The following SGTB variants were observed in gnomAD, a reference collection of about 807,000 sequenced individuals.
SGTB encodes small glutamine-rich tetratricopeptide repeat-containing protein beta.
In SGTB, 19 loss-of-function variants were observed where a neutral mutation model predicts 43.9. The observed-to-expected ratio is 0.43, with a 90% CI of 0.30 to 0.63. SGTB has a LOEUF of 0.63. Among genes scored for constraint, SGTB ranks in the 30% least tolerant of loss-of-function variants. The probability of loss-of-function intolerance (pLI) is 0.12; values close to 1 mark genes in which losing one functional copy is unlikely to be tolerated. For synonymous variants in SGTB, 116 were observed against 117.3 expected, an observed-to-expected ratio of 0.99 and a Z score of 0.07; for missense variants, 304 against 358.9, an observed-to-expected ratio of 0.85 and a Z score of 1.24.
At chr5:65,707,472 G>A (rs1423963158) in intron 4 of SGTB, among the ~76,000 whole-genome samples, 1 of 139,224 alleles carries the variant, frequency 7.2e-6, no homozygotes. Context: ...GTCTCCCTCT[G>A]TTGCCAGGTT....
At chr5:65,707,033 G>C (rs1354360023) in intron 4 of SGTB, among the ~76,000 whole-genome samples, 1 of 151,842 alleles carries the variant, frequency 6.6e-6, no homozygotes, top group Non-Finnish European at 1.5e-5. Context: ...AGCTGAGGTG[G>C]GCGGATCACA....
In SGTB at chr5:65,669,688, G is replaced by A. The variant is rs981029840; in HGVS notation, c.*558C>T. ...TAAGATTCTCTGTTCACCAGAACAAGCAACATTAAAGATAACATTGGTTCC... is the reference window on the plus strand; with the variant it reads ...TAAGATTCTCTGTTCACCAGAACAAACAACATTAAAGATAACATTGGTTCC... On this transcript the variant is annotated 3_prime_UTR_variant, in exon 11 of 11. Coordinates refer to ENST00000381007, the MANE Select transcript of SGTB (RefSeq NM_019072.3). 1.3e-5 allele frequency: 2 copies of A among 152,722 alleles called. No homozygotes were observed. The highest frequency in any genetic ancestry group is 4.8e-5 in the African/African-American group (2 of 41,560). The allele number at this position is 152,722 out of a possible 1,614,324, so 9.5% of individuals were successfully genotyped here. A position where few individuals can be genotyped will look rare whatever the true frequency, so the allele number is the denominator to read the frequency against.
At chr5:65,712,501 A>G (rs1174797334) in intron 3 of SGTB, among the ~76,000 whole-genome samples, 4 of 152,216 alleles carry the variant, frequency 2.6e-5, no homozygotes, top group Non-Finnish European at 4.4e-5. Flanking sequence ...AGCCCCATCA[A>G]TGGGCAAATT....
chr5:65,719,804 C>A (rs1325753323), intron 2 of SGTB, among the ~76,000 whole-genome samples: 1 of 152,094 alleles, frequency 6.6e-6, no homozygotes, highest in Non-Finnish European at 1.5e-5. Flanking sequence ...TTACCGAATC[C>A]AATATTAAAG....
intron 5 of SGTB, among the ~76,000 whole-genome samples, chr5:65,685,771 A>T (rs1038765578): frequency 3.9e-5 from 6 of 152,354 alleles, no homozygotes; most frequent in African/African-American, 1.4e-4. Flanking sequence ...GTCCAAACAG[A>T]AAAGTGAAAA....
Position 65,713,127 on chromosome 5 carries a change from T to C in SGTB, c.101-63A>G, listed in dbSNP as rs1437738908. 2.4e-6 allele frequency: 3 copies of C among 1,273,372 alleles called. No homozygotes were observed. The African/African-American group carries it at 4.5e-5, about 19-fold the overall frequency. The allele number at this position is 1,273,372 out of a possible 1,614,324, so 78.9% of individuals were successfully genotyped here. ...TTTTAAAAAAGAAACAAGTTTTTTT[T>C]TTCTGATAGAACTGCAATGTATGGA... is the stretch of plus-strand genomic sequence containing the variant. On this transcript the variant is annotated intron_variant, in intron 2 of 10. Transcript: ENST00000381007.
At chr5:65,684,015 G>A (rs969575440) in intron 6 of SGTB, among the ~76,000 whole-genome samples, 20 of 152,016 alleles carry the variant, frequency 1.3e-4, no homozygotes, top group African/African-American at 4.8e-4. Context: ...CAGGGGCAGA[G>A]AACGAGGAAC....
chr5:65,720,527 TAAAAC>T (rs922830891), intron 2 of SGTB, among the ~76,000 whole-genome samples, 176 bp downstream of exon 2: 3 of 152,198 alleles, frequency 2.0e-5, no homozygotes, highest in Non-Finnish European at 2.9e-5. Flanking sequence ...AATTTGTTGT[TAAAAC>T]AAACAAAACA....
At chr5:65,704,232 T>G (rs760816275) in intron 5 of SGTB, 47 bp downstream of exon 5, 6 of 1,358,574 alleles carry the variant, frequency 4.4e-6, no homozygotes, top group Non-Finnish European at 6.1e-6. Flanking sequence ...GAGCTATTAA[T>G]CTAAATGTTT....
chr5:65,710,290 G>A (rs2150721865), intron 3 of SGTB, among the ~76,000 whole-genome samples: 1 of 152,244 alleles, frequency 6.6e-6, no homozygotes, highest in African/African-American at 2.4e-5. Context: ...GGGAAAAAGT[G>A]ATTTGGGGGT....
chr5:65,692,794 T>C (rs954821782), intron 5 of SGTB, among the ~76,000 whole-genome samples: 8 of 152,220 alleles, frequency 5.3e-5, no homozygotes, highest in Non-Finnish European at 1.5e-5. Context: ...ATGATAGTTA[T>C]ATGAAACATA....
chr5:65,702,256 C>A (rs1423490188), intron 5 of SGTB, among the ~76,000 whole-genome samples: 1 of 151,960 alleles, frequency 6.6e-6, no homozygotes, highest in Non-Finnish European at 1.5e-5. Context: ...TACCGAAGGT[C>A]CCCTGGCAAA....
At position 65,667,369 on chromosome 5, in the gene SGTB, C is replaced by G. The variant is rs1246351981; in HGVS notation, c.*2877G>C. ...GCACTCAAGATAGTTATGCTAGAAA[C>G]TTTAACTTCTTATTCAACACTGAAT... On this transcript the variant is annotated 3_prime_UTR_variant, in exon 11 of 11. Coordinates refer to ENST00000381007, the MANE Select transcript of SGTB (RefSeq NM_019072.3). The G allele has an allele frequency of 6.6e-6, 1 of 152,166 alleles. No homozygotes were observed. The highest frequency in any genetic ancestry group is 2.4e-5 in the African/African-American group (1 of 41,448). 9.4% of individuals were successfully genotyped at this position (152,166 alleles called of 1,614,324 possible). A position where few individuals can be genotyped will look rare whatever the true frequency, so the allele number is the denominator to read the frequency against.
At chr5:65,705,523 A>G (rs1347960504) in intron 4 of SGTB, among the ~76,000 whole-genome samples, 1 of 152,194 alleles carries the variant, frequency 6.6e-6, no homozygotes, top group African/African-American at 2.4e-5. Flanking sequence ...TACATCTCAA[A>G]GGTATCTGTG....
intron 4 of SGTB, among the ~76,000 whole-genome samples, chr5:65,707,435 C>CAT (rs1222821554): frequency 3.5e-5 from 5 of 141,098 alleles, no homozygotes; most frequent in Admixed American, 2.8e-4. Flanking sequence ...CACACACACA[C>CAT]ATATATTTTT....
intron 4 of SGTB, 50 bp downstream of exon 4, chr5:65,708,439 C>T (rs778374233): frequency 1.3e-6 from 2 of 1,509,806 alleles, no homozygotes; most frequent in Non-Finnish European, 1.8e-6. Flanking sequence ...TAATTTCCTC[C>T]AGTTTCAGAA....
chr5:65,720,658 G>A, intron 2 of SGTB, 50 bp downstream of exon 2: 2 of 1,576,258 alleles, frequency 1.3e-6, no homozygotes, highest in Non-Finnish European at 1.7e-6. Context: ...AGCTATTTTA[G>A]TCTTCGTTTA....
chr5:65,685,533 C>CAGGTACT, intron 5 of SGTB, 61 bp from the exon 6 acceptor site: 1 of 1,422,702 alleles, frequency 7.0e-7, no homozygotes, highest in Non-Finnish European at 9.9e-7. Flanking sequence ...TTTAGATTTT[C>CAGGTACT]AGGTACTAAT....
At chr5:65,722,471 G>T, upstream of SGTB, 3 of 1,475,220 alleles carry the variant, frequency 2.0e-6, no homozygotes, top group Non-Finnish European at 2.8e-6. Context: ...CTTTCGCCGT[G>T]TGGTGCCTGG....
Sources: gnomAD v4.1 joint callset for allele counts (sites outside exome capture counted in the v4.1 genomes callset) on GRCh38, gnomAD v4.1.1 for gene constraint, MANE v1.5 for transcripts, NCBI Gene and HGNC (gene_info 2026-07-23, HGNC 2026-07-21) for gene names.